ELOVL5: variants seen among roughly 807,000 people sequenced by gnomAD.
ELOVL5 encodes the protein ELOVL fatty acid elongase 5.
ELOVL5 carries 8 observed loss-of-function variants against 38.6 expected under a neutral mutation model. The observed-to-expected ratio is 0.21, with a 90% CI of 0.12 to 0.37. The LOEUF (loss-of-function observed/expected upper bound fraction) is 0.37. Ranked by LOEUF, ELOVL5 falls within the 10% of genes least tolerant of loss-of-function variation. ELOVL5 has a pLI of 1.00. For missense variants in ELOVL5, 280 were observed against 367.8 expected, an observed-to-expected ratio of 0.76 and a Z score of 1.95; for synonymous variants, 127 against 133.7, an observed-to-expected ratio of 0.95 and a Z score of 0.34.
At chr6:53,305,459 G>A (rs1321598745) in intron 1 of ELOVL5, among the ~76,000 whole-genome samples, 2 of 150,990 alleles carry the variant, frequency 1.3e-5, no homozygotes, top group African/African-American at 4.9e-5. Context: ...TGGCAGCCGG[G>A]CGGAGGGGCT....
chr6:53,276,995 C>G (rs553163121), intron 3 of ELOVL5: 1 of 148,092 alleles, frequency 6.8e-6, no homozygotes, highest in East Asian at 2.1e-4. Context: ...GGTACAGGCT[C>G]TACATCACAG....
intron 7 of ELOVL5, 47 bp downstream of exon 7, chr6:53,270,546 T>C (rs1765881066): frequency 1.2e-6 from 2 of 1,600,602 alleles, no homozygotes; most frequent in Non-Finnish European, 8.6e-7. Flanking sequence ...AGGGCCTTTG[T>C]TGGTAAAGGC....
rs112841193 is a variant in ELOVL5 at position 53,327,110 on chromosome 6, C to G, written c.-9+21707G>C. Among the ~76,000 whole-genome samples, 18 of 152,264 alleles carry G rather than the reference C, an allele frequency of 1.2e-4. 1 individual carries two copies. Among genetic ancestry groups the G allele is most frequent in the African/African-American group, 4.3e-4 (18 of 41,554 alleles). ...CCTTTGAAACAGGATATTCTGCTCC[C>G]TCTTCTGACAAGTTTCTATCCACTC... On this transcript the variant is annotated intron_variant, in intron 1 of 7. Coordinates refer to ENST00000304434, the MANE Select transcript of ELOVL5 (RefSeq NM_021814.5).
chr6:53,280,953 A>G (rs1023284777), intron 3 of ELOVL5, among the ~76,000 whole-genome samples: 31 of 152,124 alleles, frequency 2.0e-4, no homozygotes, highest in Admixed American at 1.9e-3. Context: ...ACATTTAACC[A>G]CAAACAACTT....
At position 53,312,754 on chromosome 6, in the gene ELOVL5, G is replaced by A. The variant is rs541845576; in HGVS notation, c.-8-17047C>T. 7.2e-5 allele frequency among the ~76,000 whole-genome samples: 11 copies of A among 152,168 alleles called. No homozygotes were observed. The East Asian group carries it at 2.1e-3, about 29-fold the overall frequency. On this transcript the variant is annotated intron_variant, in intron 1 of 7. Transcript: ENST00000304434. ...AGTTCAATTTTTTAAAAAAATCTAC[G>A]ACCATGAGAAAAACAAACTAGGCTG...
At chr6:53,325,357 T>C (rs945987721) in intron 1 of ELOVL5, among the ~76,000 whole-genome samples, 17 of 132,722 alleles carry the variant, frequency 1.3e-4, no homozygotes, top group African/African-American at 4.4e-4. Flanking sequence ...ATCTGATACT[T>C]ATGTCCAAAT....
intron 1 of ELOVL5, among the ~76,000 whole-genome samples, chr6:53,313,445 C>T (rs962040868): frequency 6.6e-6 from 1 of 152,176 alleles, no homozygotes; most frequent in Non-Finnish European, 1.5e-5. Context: ...ACTGCAGCCT[C>T]AACCTCCCGG....
At chr6:53,300,415 T>C (rs1326931032) in intron 1 of ELOVL5, among the ~76,000 whole-genome samples, 2 of 152,056 alleles carry the variant, frequency 1.3e-5, no homozygotes, top group Admixed American at 6.6e-5. Context: ...TAAACATATA[T>C]TAATTACAGA....
intron 1 of ELOVL5, among the ~76,000 whole-genome samples, chr6:53,312,561 T>G (rs1463008104): frequency 6.6e-6 from 1 of 152,220 alleles, no homozygotes; most frequent in African/African-American, 2.4e-5. Context: ...AGGCCACATG[T>G]GCTGATAGCA....
intron 2 of ELOVL5, among the ~76,000 whole-genome samples, chr6:53,295,036 CTTTT>C (rs1766937426): frequency 1.3e-5 from 2 of 152,120 alleles, no homozygotes; most frequent in Non-Finnish European, 2.9e-5. Context: ...TTTGTTATTT[CTTTT>C]GTGTTTTAAA....
intron 1 of ELOVL5, among the ~76,000 whole-genome samples, chr6:53,319,377 A>G (rs1490182194): frequency 1.3e-5 from 2 of 151,576 alleles, no homozygotes; most frequent in Non-Finnish European, 1.5e-5. Flanking sequence ...TGCAACTGTG[A>G]AAGTGGATTC....
At chr6:53,298,169 G>C (rs1767093531) in intron 1 of ELOVL5, among the ~76,000 whole-genome samples, 1 of 152,124 alleles carries the variant, frequency 6.6e-6, no homozygotes, top group African/African-American at 2.4e-5. Flanking sequence ...ATGATGTATG[G>C]TGGGCCATGT....
At chr6:53,341,261 T>C (rs940550572) in intron 1 of ELOVL5, among the ~76,000 whole-genome samples, 4 of 152,342 alleles carry the variant, frequency 2.6e-5, no homozygotes, top group Non-Finnish European at 5.9e-5. Flanking sequence ...TAAACCTTTA[T>C]TTAGTTACTG....
intron 1 of ELOVL5, among the ~76,000 whole-genome samples, chr6:53,296,942 A>C (rs1411945263): frequency 2.0e-5 from 3 of 152,232 alleles, no homozygotes; most frequent in Non-Finnish European, 4.4e-5. Context: ...TTTTAAGATA[A>C]ACTACTTTAT....
chr6:53,289,473 C>T (rs1269893689), intron 3 of ELOVL5, among the ~76,000 whole-genome samples: 1 of 152,196 alleles, frequency 6.6e-6, no homozygotes, highest in Non-Finnish European at 1.5e-5. Flanking sequence ...AATCCCTGCA[C>T]TTTGGGAGGC....
At position 53,292,132 on chromosome 6, in the gene ELOVL5, G is replaced by A. The variant is rs6905103; in HGVS notation, c.59-169C>T. Among the ~76,000 whole-genome samples, 1,630 of 152,122 alleles carry A rather than the reference G, an allele frequency of 0.011. 31 individuals are homozygous for A. Among genetic ancestry groups the A allele is most frequent in the African/African-American group, 0.037 (1,551 of 41,484 alleles). ...GGATTTTCAATACATATCAAACAAGGTGAAGCTCCTTGTTACATGCTCTGA... is the reference window on the plus strand; with the variant it reads ...GGATTTTCAATACATATCAAACAAGATGAAGCTCCTTGTTACATGCTCTGA... On this transcript the variant is annotated intron_variant, in intron 2 of 7. Coordinates refer to ENST00000304434, the MANE Select transcript of ELOVL5 (RefSeq NM_021814.5).
intron 5 of ELOVL5, among the ~76,000 whole-genome samples, chr6:53,273,691 A>T (rs970515541): frequency 2.6e-5 from 4 of 152,222 alleles, no homozygotes; most frequent in African/African-American, 9.6e-5. Flanking sequence ...CAACTGCCCA[A>T]ATATGCTCTC....
intron 1 of ELOVL5, among the ~76,000 whole-genome samples, chr6:53,346,794 AG>A (rs1769565259): frequency 1.3e-5 from 2 of 152,220 alleles, no homozygotes; most frequent in South Asian, 4.1e-4. Flanking sequence ...CTCTAGAAGC[AG>A]GAAGACAAGC....
chr6:53,305,036 C>A (rs1202326937), intron 1 of ELOVL5, among the ~76,000 whole-genome samples: 3 of 150,218 alleles, frequency 2.0e-5, no homozygotes, highest in East Asian at 2.0e-4. Flanking sequence ...CCGGACGGGG[C>A]GGCTGGCCGG....
Sources: gnomAD v4.1 joint callset for allele counts (sites outside exome capture counted in the v4.1 genomes callset) on GRCh38, gnomAD v4.1.1 for gene constraint, MANE v1.5 for transcripts, NCBI Gene and HGNC (gene_info 2026-07-23, HGNC 2026-07-21) for gene names.